Variants in ZDHHC17 observed in about 807,000 individuals in gnomAD.
ZDHHC17 encodes palmitoyltransferase ZDHHC17.
A neutral mutation model predicts 90.3 loss-of-function variants in ZDHHC17; 40 were observed. The ratio of observed to expected loss-of-function variants is 0.44; its 90% CI spans 0.34 to 0.58. The LOEUF is 0.58. ZDHHC17 is among the 20% of genes least tolerant of loss of function. The pLI, the probability that ZDHHC17 is intolerant of heterozygous loss-of-function variation, is 0.01. For synonymous variants in ZDHHC17, 235 were observed against 252.4 expected, an observed-to-expected ratio of 0.93 and a Z score of 0.65; for missense variants, 614 against 780.8, an observed-to-expected ratio of 0.79 and a Z score of 2.55.
chr12:76,801,857 G>T (rs1310772712), intron 2 of ZDHHC17, among the ~76,000 whole-genome samples: 1 of 151,746 alleles, frequency 6.6e-6, no homozygotes, highest in African/African-American at 2.4e-5. Flanking sequence ...TAAATGCATT[G>T]GTCTCTAAAA....
intron 1 of ZDHHC17, 129 bp from the exon 2 acceptor site, chr12:76,797,305 T>C (rs1390193373): frequency 5.4e-6 from 3 of 551,954 alleles, no homozygotes; most frequent in Non-Finnish European, 9.1e-6. Context: ...GACTTTAGAA[T>C]AAGGTAAATT....
At chr12:76,783,273 G>A (rs1952648023) in intron 1 of ZDHHC17, among the ~76,000 whole-genome samples, 1 of 152,186 alleles carries the variant, frequency 6.6e-6, no homozygotes. Flanking sequence ...CCGAGACTGG[G>A]TAATTTATAA....
At chr12:76,810,581 A>C (rs753336426) in intron 5 of ZDHHC17, among the ~76,000 whole-genome samples, 25 of 152,276 alleles carry the variant, frequency 1.6e-4, no homozygotes, top group Middle Eastern at 3.4e-3. Flanking sequence ...TTAGAATTTG[A>C]ATACTATTTC....
intron 2 of ZDHHC17, among the ~76,000 whole-genome samples, 166 bp from the exon 3 acceptor site, chr12:76,805,151 T>G (rs968465465): frequency 6.6e-6 from 1 of 152,190 alleles, no homozygotes; most frequent in Non-Finnish European, 1.5e-5. Flanking sequence ...AATGGATTAG[T>G]AAAAGTTTTT....
At chr12:76,784,608 C>T (rs1370243235) in intron 1 of ZDHHC17, among the ~76,000 whole-genome samples, 1 of 152,082 alleles carries the variant, frequency 6.6e-6, no homozygotes, top group Non-Finnish European at 1.5e-5. Flanking sequence ...TAACGAACAC[C>T]ATAGACATCT....
chr12:76,833,897 G>A (rs1387887807), intron 10 of ZDHHC17, among the ~76,000 whole-genome samples: 2 of 152,188 alleles, frequency 1.3e-5, no homozygotes, highest in East Asian at 3.9e-4. Flanking sequence ...GTTTCTCTTC[G>A]TATTATTTAT....
chr12:76,765,857 T>C (rs1225752509), intron 1 of ZDHHC17, among the ~76,000 whole-genome samples: 13 of 152,034 alleles, frequency 8.6e-5, no homozygotes, highest in Admixed American at 8.5e-4. Context: ...CGCGCCACCA[T>C]ACCCGGCTGA....
intron 1 of ZDHHC17, among the ~76,000 whole-genome samples, chr12:76,772,835 G>A (rs1024753089): frequency 2.6e-5 from 4 of 151,268 alleles, no homozygotes; most frequent in Non-Finnish European, 5.9e-5. Flanking sequence ...GTGAGCCACC[G>A]CGCCCGGCCT....
chr12:76,785,828 A>G (rs1310303012), intron 1 of ZDHHC17, among the ~76,000 whole-genome samples: 1 of 152,196 alleles, frequency 6.6e-6, no homozygotes, highest in African/African-American at 2.4e-5. Context: ...TAGGATGTGT[A>G]GAAGGGAATG....
Position 76,764,151 on chromosome 12 carries a change from C to G in ZDHHC17, c.-86C>G, listed in dbSNP as rs1169189860. 4.3e-5 allele frequency: 46 copies of G among 1,069,678 alleles called. No homozygotes were observed. Among genetic ancestry groups the G allele is most frequent in the Non-Finnish European group, 5.9e-5 (44 of 748,550 alleles). The allele number at this position is 1,069,678 out of a possible 1,614,324, so 66.3% of individuals were successfully genotyped here. On this transcript the variant is annotated 5_prime_UTR_variant, in exon 1 of 17. Coordinates refer to ENST00000426126, the MANE Select transcript of ZDHHC17 (RefSeq NM_015336.4). ...AGGAGAAGAAGGAGGAGGAGGCCCG[C>G]GTCGCCTCCGGCGGGGCTCGCGCTC...
chr12:76,835,526 A>G (rs924760058), intron 10 of ZDHHC17, among the ~76,000 whole-genome samples: 16 of 151,984 alleles, frequency 1.1e-4, no homozygotes, highest in Admixed American at 6.5e-4. Context: ...TTTTTAAATT[A>G]TGAATTTTTT....
At chr12:76,828,296 T>C in intron 9 of ZDHHC17, 94 bp from the exon 10 acceptor site, 1 of 1,087,816 alleles carries the variant, frequency 9.2e-7, no homozygotes. Flanking sequence ...AACCAATGCT[T>C]ACTATACAAA....
intron 1 of ZDHHC17, among the ~76,000 whole-genome samples, chr12:76,786,101 TTTTC>T (rs1424727865): frequency 6.9e-6 from 1 of 143,912 alleles, no homozygotes; most frequent in African/African-American, 2.6e-5. Context: ...TTAGTTTTCT[TTTTC>T]TTTCTTTTCT....
chr12:76,847,015 T>C (rs557802757), intron 14 of ZDHHC17, among the ~76,000 whole-genome samples: 15 of 152,366 alleles, frequency 9.8e-5, no homozygotes, highest in Admixed American at 5.9e-4. Context: ...ATTAAGTGAT[T>C]GTCTTAGTTC....
intron 13 of ZDHHC17, 30 bp from the exon 14 acceptor site, chr12:76,846,566 G>A (rs1953497468): frequency 6.3e-7 from 1 of 1,589,000 alleles, no homozygotes; most frequent in African/African-American, 1.3e-5. Context: ...TTTCTTAGCT[G>A]AAAAACCTTG....
intron 5 of ZDHHC17, among the ~76,000 whole-genome samples, chr12:76,811,959 A>T (rs1953029121): frequency 6.6e-6 from 1 of 152,188 alleles, no homozygotes; most frequent in Non-Finnish European, 1.5e-5. Flanking sequence ...AAATTATTTA[A>T]AATATTGAAT....
intron 1 of ZDHHC17, among the ~76,000 whole-genome samples, chr12:76,771,985 T>G (rs567702873): frequency 6.6e-6 from 1 of 152,358 alleles, no homozygotes; most frequent in African/African-American, 2.4e-5. Flanking sequence ...CAGCTTCATT[T>G]TCTCCAAATG....
chr12:76,776,745 CTG>C (rs1491242385), intron 1 of ZDHHC17, among the ~76,000 whole-genome samples: 1 of 151,882 alleles, frequency 6.6e-6, no homozygotes, highest in Non-Finnish European at 1.5e-5. Context: ...TGGCTAGTGG[CTG>C]TTGTTTTAGG....
At chr12:76,835,213 G>T (rs1040188806) in intron 10 of ZDHHC17, among the ~76,000 whole-genome samples, 1 of 151,910 alleles carries the variant, frequency 6.6e-6, no homozygotes, top group Non-Finnish European at 1.5e-5. Context: ...ACCATGCCTG[G>T]CTAATTTTTG....
Sources: allele counts gnomAD v4.1 joint callset (sites outside exome capture counted in the v4.1 genomes callset), GRCh38; gene constraint gnomAD v4.1.1; transcripts MANE v1.5; gene names NCBI Gene and HGNC (gene_info 2026-07-23, HGNC 2026-07-21).